Variants in CDH18 observed in about 807,000 individuals in gnomAD.
CDH18 encodes cadherin-18.
Under a neutral mutation model 67.9 loss-of-function variants are expected in CDH18, and 31 were observed. The observed-to-expected ratio is 0.46, with a 90% CI of 0.34 to 0.62. The LOEUF is 0.62. Among genes scored for constraint, CDH18 ranks in the 20% least tolerant of loss-of-function variants. CDH18 has a pLI of 0.01. For missense variants in CDH18, 890 were observed against 975.5 expected (o/e 0.91, Z 1.17); for synonymous variants, 362 against 347.2 (o/e 1.04, Z -0.48).
At chr5:19,870,330 C>T (rs1340275341) in intron 2 of CDH18, among the ~76,000 whole-genome samples, 2 of 152,078 alleles carry the variant, frequency 1.3e-5, no homozygotes, top group Non-Finnish European at 2.9e-5. Flanking sequence ...TTGCTCTAAA[C>T]TTGTTCTACT....
intron 2 of CDH18, among the ~76,000 whole-genome samples, chr5:19,973,816 G>A (rs1195493883): frequency 8.3e-6 from 1 of 120,730 alleles, no homozygotes; most frequent in East Asian, 2.6e-4. Flanking sequence ...AGGAAGGCTA[G>A]ATGAGAATAT....
chr5:20,072,888 C>T (rs1226842623), intron 2 of CDH18, among the ~76,000 whole-genome samples: 1 of 151,680 alleles, frequency 6.6e-6, no homozygotes, highest in African/African-American at 2.4e-5. Context: ...TTCATATATA[C>T]GTATATTGTT....
intron 2 of CDH18, among the ~76,000 whole-genome samples, chr5:19,936,357 G>C (rs911687724): frequency 6.6e-6 from 1 of 151,094 alleles, no homozygotes; most frequent in Non-Finnish European, 1.5e-5. Context: ...TTGTTTCTCT[G>C]GCTAAAAATT....
At chr5:20,341,265 A>T (rs1037375960) in intron 1 of CDH18, among the ~76,000 whole-genome samples, 3 of 152,088 alleles carry the variant, frequency 2.0e-5, no homozygotes, top group Admixed American at 6.5e-5. Context: ...TCGGGTGAGC[A>T]CCATCAAATC....
chr5:20,191,951 T>C (rs939886657), intron 2 of CDH18, among the ~76,000 whole-genome samples: 8 of 152,114 alleles, frequency 5.3e-5, no homozygotes, highest in Admixed American at 2.0e-4. Context: ...TCCACAATGG[T>C]TGCACTAATT....
chr5:19,581,581 A>T (rs895260516), intron 7 of CDH18, among the ~76,000 whole-genome samples: 1 of 151,912 alleles, frequency 6.6e-6, no homozygotes, highest in East Asian at 1.9e-4. Context: ...CTATTCTCCT[A>T]ACTAATAAGA....
intron 2 of CDH18, among the ~76,000 whole-genome samples, chr5:20,025,577 C>A (rs1218674679): frequency 6.6e-6 from 1 of 152,108 alleles, no homozygotes; most frequent in Non-Finnish European, 1.5e-5. Flanking sequence ...GTATAATTAG[C>A]AGAGACAAAT....
chr5:19,895,776 G>A (rs1253009827), intron 2 of CDH18, among the ~76,000 whole-genome samples: 1 of 152,128 alleles, frequency 6.6e-6, no homozygotes, highest in African/African-American at 2.4e-5. Flanking sequence ...CATATTAAAT[G>A]ACTTTACTTA....
intron 2 of CDH18, among the ~76,000 whole-genome samples, chr5:20,052,704 A>T (rs1741541553): frequency 6.6e-6 from 1 of 152,116 alleles, no homozygotes; most frequent in Admixed American, 6.6e-5. Context: ...AGCTCTTATT[A>T]AATGTATTAT....
At position 20,305,212 on chromosome 5, in the gene CDH18, C is replaced by G; in HGVS notation, c.-579-49707G>C. 3 of 1,386,346 alleles carry G rather than the reference C, an allele frequency of 2.2e-6. No individual in the cohort carries two copies. The Middle Eastern group carries it at 5.3e-4, about 246-fold the overall frequency. The allele number at this position is 1,386,346 out of a possible 1,614,324, so 85.9% of individuals were successfully genotyped here. ...CGACAGTCCTTCCAAAGGCTTCCCTCCAGCACCACTACCAAATCCAGGAAA... is the reference window on the plus strand; with the variant it reads ...CGACAGTCCTTCCAAAGGCTTCCCTGCAGCACCACTACCAAATCCAGGAAA... On this transcript the variant is annotated intron_variant, in intron 1 of 14. Transcript: ENST00000507958.
chr5:19,817,444 T>C (rs1012815904), intron 3 of CDH18, among the ~76,000 whole-genome samples: 2 of 151,942 alleles, frequency 1.3e-5, no homozygotes, highest in South Asian at 2.1e-4. Flanking sequence ...TTACATGTAA[T>C]AGCAAAAAAG....
At chr5:19,547,070 C>T (rs1163704983) in intron 8 of CDH18, among the ~76,000 whole-genome samples, 1 of 152,006 alleles carries the variant, frequency 6.6e-6, no homozygotes, top group African/African-American at 2.4e-5. Flanking sequence ...TAAAGCCATG[C>T]TACAGTAAAA....
At chr5:19,673,722 T>C (rs1349798411) in intron 5 of CDH18, among the ~76,000 whole-genome samples, 1 of 152,082 alleles carries the variant, frequency 6.6e-6, no homozygotes, top group Non-Finnish European at 1.5e-5. Flanking sequence ...ATGTTTAAAA[T>C]GGATTGATAA....
intron 5 of CDH18, among the ~76,000 whole-genome samples, chr5:19,669,426 G>A (rs989805002): frequency 2.0e-5 from 3 of 151,690 alleles, no homozygotes; most frequent in African/African-American, 7.3e-5. Context: ...CTGAGTAGCT[G>A]GGATTACAGG....
chr5:20,170,950 C>T (rs1315960974), intron 2 of CDH18, among the ~76,000 whole-genome samples: 1 of 151,824 alleles, frequency 6.6e-6, no homozygotes, highest in Non-Finnish European at 1.5e-5. Flanking sequence ...AAAGGAGATC[C>T]TGTGATATTT....
intron 8 of CDH18, among the ~76,000 whole-genome samples, chr5:19,551,736 C>T (rs750931242): frequency 1.2e-4 from 19 of 152,202 alleles, no homozygotes; most frequent in Non-Finnish European, 2.6e-4. Context: ...TTTCTTTCTC[C>T]TACGACTGCA....
intron 2 of CDH18, among the ~76,000 whole-genome samples, chr5:20,205,464 G>A (rs905466103): frequency 6.6e-6 from 1 of 151,760 alleles, no homozygotes; most frequent in Non-Finnish European, 1.5e-5. Context: ...GTCAGTAATG[G>A]ACAATTCATT....
rs371460875 is a variant in CDH18 at position 20,304,342 on chromosome 5, AT to A, written c.-579-48838del. 1.5e-4 allele frequency: 229 copies of A among 1,526,236 alleles called. No individual in the cohort carries two copies. In the African/African-American group the frequency reaches 2.9e-3, roughly 20 times the overall value. The allele number at this position is 1,526,236 out of a possible 1,614,324, so 94.5% of individuals were successfully genotyped here. ...CTATGACTTTCTCTTTAAATTCATTATCTTTCTTGTAAAATAGTTTACACTT... is the reference window on the plus strand; with the variant it reads ...CTATGACTTTCTCTTTAAATTCATTACTTTCTTGTAAAATAGTTTACACTT... On this transcript the variant is annotated intron_variant, in intron 1 of 14. Transcript: ENST00000507958.
rs553955189 is a variant in CDH18, at chr5:20,442,311, C to T, written c.-580+133151G>A. 2.2e-4 allele frequency among the ~76,000 whole-genome samples: 33 copies of T among 151,872 alleles called. 1 individual carries two copies. The highest frequency in any genetic ancestry group is 7.8e-4 in the African/African-American group (32 of 41,234). On this transcript the variant is annotated intron_variant, in intron 1 of 14. Coordinates refer to the CDH18 transcript ENST00000507958. The stretch of plus-strand genomic sequence containing the variant: ...CTATGGAATTAAACCTTTAAAATAG[C>T]GTCAAATGAGGCATACATTTTGACA...
Sources: allele counts gnomAD v4.1 joint callset (sites outside exome capture counted in the v4.1 genomes callset), GRCh38; gene constraint gnomAD v4.1.1; transcripts MANE v1.5; gene names NCBI Gene and HGNC (gene_info 2026-07-23, HGNC 2026-07-21).